The following RIPOR3 variants were observed in gnomAD, a reference collection of about 807,000 sequenced individuals.
RIPOR3 encodes the protein RIPOR family member 3, also known as family with sequence similarity 65 member C.
A neutral mutation model predicts 114.3 loss-of-function variants in RIPOR3; 95 were observed. The observed-to-expected ratio is 0.83, with a 90% CI of 0.70 to 0.99. The LOEUF (loss-of-function observed/expected upper bound fraction) is 0.99. Ranked by LOEUF, RIPOR3 falls within the 50% of genes least tolerant of loss-of-function variation. The pLI, the probability that RIPOR3 is intolerant of heterozygous loss-of-function variation, is 0.00. For synonymous variants in RIPOR3, 575 were observed against 543.8 expected (o/e 1.06, Z -0.80); for missense variants, 1,252 against 1,266.9 (o/e 0.99, Z 0.18).
rs1040832129 is a variant in RIPOR3, at chr20:50,609,425, G to A, written c.577-69C>T. Reference sequence around the variant, plus strand: ...GCCACGAGGGCCTCTAACCATCCCTGCAGCCAGACAGAGGCCACAGGCAGA... The same window carrying A: ...GCCACGAGGGCCTCTAACCATCCCTACAGCCAGACAGAGGCCACAGGCAGA... On this transcript the variant is annotated intron_variant, in intron 7 of 21. Coordinates refer to ENST00000327979, the MANE Select transcript of RIPOR3 (RefSeq NM_001290268.2). 3.8e-6 allele frequency: 6 copies of A among 1,566,966 alleles called. No individual in the cohort carries two copies. In the African/African-American group the frequency reaches 8.2e-5, roughly 21 times the overall value.
chr20:50,647,184 G>C (rs997476056), intron 1 of RIPOR3, among the ~76,000 whole-genome samples: 1 of 152,184 alleles, frequency 6.6e-6, no homozygotes, highest in Non-Finnish European at 1.5e-5. Flanking sequence ...GCCAGGCGTG[G>C]TGGCGGACGC....
intron 1 of RIPOR3, among the ~76,000 whole-genome samples, chr20:50,664,411 T>C (rs925782133): frequency 5.3e-5 from 8 of 152,206 alleles, no homozygotes; most frequent in African/African-American, 1.7e-4. Flanking sequence ...GGGTCAGCAG[T>C]CGCACTGTTG....
At chr20:50,611,121 G>A in intron 5 of RIPOR3, 60 bp downstream of exon 5, 1 of 1,612,918 alleles carries the variant, frequency 6.2e-7, no homozygotes, top group Non-Finnish European at 8.5e-7. Context: ...GATGCAATGA[G>A]GCACAGTCAT....
At chr20:50,593,476 C>T (rs2083180266) in intron 17 of RIPOR3, among the ~76,000 whole-genome samples, 1 of 152,050 alleles carries the variant, frequency 6.6e-6, no homozygotes, top group African/African-American at 2.4e-5. Flanking sequence ...GAGGCTGAGG[C>T]AGGAGAATCG....
chr20:50,612,965 C>T (rs1462262287), intron 4 of RIPOR3, among the ~76,000 whole-genome samples: 3 of 152,154 alleles, frequency 2.0e-5, no homozygotes, highest in East Asian at 1.9e-4. Context: ...TGGTGGCACA[C>T]ACCTGTAGTC....
chr20:50,600,855 T>C (rs1285823978), intron 13 of RIPOR3, among the ~76,000 whole-genome samples: 1 of 152,222 alleles, frequency 6.6e-6, no homozygotes, highest in Admixed American at 6.5e-5. Context: ...ACAACCATAG[T>C]AGTGGTAAAC....
Position 50,618,650 on chromosome 20 carries a change from A to G in RIPOR3, c.269+1336T>C, listed in dbSNP as rs187928194. Among the ~76,000 whole-genome samples the G allele has an allele frequency of 7.1e-3, 1,079 of 152,180 alleles. 12 individuals carry two copies. Among genetic ancestry groups the G allele is most frequent in the Middle Eastern group, 0.027 (8 of 294 alleles). On this transcript the variant is annotated intron_variant, in intron 3 of 21. Transcript: ENST00000327979. The stretch of plus-strand genomic sequence containing the variant: ...TCTGTGGCCCTTACTACCATCTGAT[A>G]TTCTCTGTACTTTTCTTTTCTGTAT...
intron 1 of RIPOR3, among the ~76,000 whole-genome samples, chr20:50,684,716 G>C (rs933139347): frequency 6.6e-6 from 1 of 152,218 alleles, no homozygotes; most frequent in Non-Finnish European, 1.5e-5. Flanking sequence ...AGGGAGCGGA[G>C]GTGACAGAGC....
At chr20:50,638,979 T>C (rs1202333822) in intron 1 of RIPOR3, among the ~76,000 whole-genome samples, 2 of 152,146 alleles carry the variant, frequency 1.3e-5, no homozygotes, top group Non-Finnish European at 2.9e-5. Flanking sequence ...CAGTGGCTCA[T>C]GCCTATAATC....
chr20:50,628,415 C>T (rs2084700596), intron 2 of RIPOR3, among the ~76,000 whole-genome samples: 1 of 152,172 alleles, frequency 6.6e-6, no homozygotes, highest in East Asian at 1.9e-4. Context: ...ATGCCAGCCG[C>T]ACACCTGCTT....
At chr20:50,606,170 C>T (rs1405748845) in intron 11 of RIPOR3, among the ~76,000 whole-genome samples, 1 of 152,200 alleles carries the variant, frequency 6.6e-6, no homozygotes, top group Admixed American at 6.5e-5. Flanking sequence ...TGCGCCATTG[C>T]ACTCCAGCCT....
intron 1 of RIPOR3, among the ~76,000 whole-genome samples, 192 bp downstream of exon 1, chr20:50,690,934 A>G (rs2087190909): frequency 6.6e-6 from 1 of 152,206 alleles, no homozygotes; most frequent in Non-Finnish European, 1.5e-5. Flanking sequence ...GAGGGCAAAT[A>G]ACTTGCCTAA....
In RIPOR3 at chr20:50,589,710, T is replaced by A. The variant is rs920841086; in HGVS notation, c.2637A>T (p.Ala879=). Residue 879 remains alanine (A), a synonymous_variant, in exon 20 of 22, where the codon GCA becomes GCT. Coordinates refer to ENST00000327979, the MANE Select transcript of RIPOR3 (RefSeq NM_001290268.2). ...CCTTGAGGTGTTTGAGCGCTAGGCA[T>A]GCGGCCTGCTGGAGCCTTGCGTCGT... The part of the protein sequence containing the change: ...AENDARLQQA[A]CLALKHLKGI... 1.2e-6 allele frequency: 2 copies of A among 1,613,920 alleles called. No homozygotes were observed. The highest frequency in any genetic ancestry group is 1.7e-6 in the Non-Finnish European group (2 of 1,179,882).
chr20:50,663,996 G>A (rs942546979), intron 1 of RIPOR3, among the ~76,000 whole-genome samples: 1 of 146,978 alleles, frequency 6.8e-6, no homozygotes, highest in Non-Finnish European at 1.5e-5. Context: ...GCGTGGTCTC[G>A]GCTCACTGCA....
At chr20:50,587,753 A>C in intron 21 of RIPOR3, 49 bp downstream of exon 21, 10 of 1,563,902 alleles carry the variant, frequency 6.4e-6, no homozygotes, top group South Asian at 1.1e-5. Context: ...CGCAGATTCT[A>C]AGGGCCCCAG....
Position 50,689,203 on chromosome 20 carries a change from G to T in RIPOR3, c.3+1923C>A, listed in dbSNP as rs1425753461. On this transcript the variant is annotated intron_variant, in intron 1 of 21. Transcript: ENST00000327979. ...TTTTTTTTTTTTTTTTTGAGACGAA[G>T]TCTCGTTCTGTTGGCCAGGCTGGAG... 9.5e-5 allele frequency among the ~76,000 whole-genome samples: 12 copies of T among 126,466 alleles called. No homozygotes were observed. The Admixed American group carries it at 1.0e-3, about 11-fold the overall frequency. The allele number at this position is 126,466 out of a possible 152,430, so 83.0% of individuals were successfully genotyped here.
At chr20:50,620,184 C>A (rs2084346231) in intron 2 of RIPOR3, 52 bp from the exon 3 acceptor site, 3 of 1,596,864 alleles carry the variant, frequency 1.9e-6, no homozygotes, top group Non-Finnish European at 2.6e-6. Flanking sequence ...CCTGACAAAG[C>A]CCTCCCCAGG....
intron 1 of RIPOR3, among the ~76,000 whole-genome samples, chr20:50,671,496 T>A (rs1349889027): frequency 2.0e-5 from 3 of 152,152 alleles, no homozygotes; most frequent in Admixed American, 6.5e-5. Flanking sequence ...CACAGCAAGC[T>A]GCCATGCTGG....
At chr20:50,680,072 G>T (rs1365466833) in intron 1 of RIPOR3, among the ~76,000 whole-genome samples, 1 of 152,196 alleles carries the variant, frequency 6.6e-6, no homozygotes, top group Non-Finnish European at 1.5e-5. Context: ...CCTCTGCCAG[G>T]AGCTCCCTGG....
Sources: gnomAD v4.1 joint callset for allele counts (sites outside exome capture counted in the v4.1 genomes callset) on GRCh38, gnomAD v4.1.1 for gene constraint, MANE v1.5 for transcripts, NCBI Gene and HGNC (gene_info 2026-07-23, HGNC 2026-07-21) for gene names.